Variants in GRIP1 observed in about 807,000 individuals in gnomAD.
GRIP1 encodes the protein glutamate receptor interacting protein 1.
Under a neutral mutation model 129.9 loss-of-function variants are expected in GRIP1, and 45 were observed. The ratio of observed to expected loss-of-function variants is 0.35; its 90% CI spans 0.27 to 0.44. The LOEUF (loss-of-function observed/expected upper bound fraction) is 0.44, where lower values mean the gene tolerates loss of function less well. GRIP1 is among the 20% of genes least tolerant of loss of function. The pLI is 1.00. For missense variants in GRIP1, 1,196 were observed against 1,396.8 expected, an observed-to-expected ratio of 0.86 and a Z score of 2.29; for synonymous variants, 530 against 520.8, an observed-to-expected ratio of 1.02 and a Z score of -0.24.
rs71436017 is a variant in GRIP1, at chr12:66,617,085, T to TTGTGTGTGTGTGTGTGTG, written c.56-20176_56-20159dup. On this transcript the variant is annotated intron_variant, in intron 1 of 24. Coordinates refer to ENST00000359742, the MANE Select transcript of GRIP1 (RefSeq NM_001366722.1). Reference sequence around the variant, plus strand: ...AGCAACTTGACAAGCAACAGACGTTTTGTGTGTGTGTGTGTGTGTGTGTGT... The same window carrying TTGTGTGTGTGTGTGTGTG: ...AGCAACTTGACAAGCAACAGACGTTTTGTGTGTGTGTGTGTGTGTGTGTGTGTGTGTGTGTGTGTGTGT... 4.9e-4 allele frequency among the ~76,000 whole-genome samples: 67 copies of TTGTGTGTGTGTGTGTGTG among 135,520 alleles called. 1 individual carries two copies. The highest frequency in any genetic ancestry group is 2.2e-3 in the East Asian group (10 of 4,528). 88.9% of individuals were successfully genotyped at this position (135,520 alleles called of 152,430 possible).
chr12:66,350,369 C>T (rs181078901), intron 24 of GRIP1, among the ~76,000 whole-genome samples: 4 of 151,942 alleles, frequency 2.6e-5, no homozygotes, highest in Non-Finnish European at 5.9e-5. Context: ...TGGTGGTGGG[C>T]GCCTGTAATC....
chr12:66,836,365 A>G (rs1440564457), intron 1 of GRIP1, among the ~76,000 whole-genome samples: 6 of 152,106 alleles, frequency 3.9e-5, no homozygotes, highest in African/African-American at 1.4e-4. Flanking sequence ...GCCTTTATCC[A>G]CAGCCCTTTT....
chr12:66,582,517 A>G (rs1780362105), intron 2 of GRIP1, among the ~76,000 whole-genome samples: 2 of 145,476 alleles, frequency 1.4e-5, no homozygotes, highest in African/African-American at 5.1e-5. Context: ...CCATTGTCTC[A>G]GCCCAAAATC....
chr12:66,848,168 A>G (rs2039851182), intron 1 of GRIP1, among the ~76,000 whole-genome samples: 2 of 151,892 alleles, frequency 1.3e-5, no homozygotes, highest in South Asian at 4.2e-4. Flanking sequence ...CAGTTCTTTC[A>G]TTTCTAAATC....
chr12:66,658,992 G>A (rs1022238457), intron 1 of GRIP1, among the ~76,000 whole-genome samples: 2 of 151,816 alleles, frequency 1.3e-5, no homozygotes, highest in Non-Finnish European at 2.9e-5. Context: ...AATAAAAAGC[G>A]GCTCCTGAAC....
intron 11 of GRIP1, among the ~76,000 whole-genome samples, chr12:66,453,088 C>T (rs1469142224): frequency 6.6e-6 from 1 of 152,096 alleles, no homozygotes; most frequent in Non-Finnish European, 1.5e-5. Context: ...GTATTTCTAC[C>T]ATGTTGAAGA....
rs184227852 is a variant in GRIP1 at position 66,964,558 on chromosome 12, C to A, written c.58+104492G>T. Among the ~76,000 whole-genome samples, 522 of 152,198 alleles carry A rather than the reference C, an allele frequency of 3.4e-3. 1 individual carries two copies. The highest frequency in any genetic ancestry group is 4.6e-3 in the Non-Finnish European group (310 of 67,992). On this transcript the variant is annotated intron_variant, in intron 1 of 1. Coordinates refer to the GRIP1 transcript ENST00000643019. ...CCTCCTTCTACTTAAAGTTCTCTTC[C>A]CACTGGCTTTTCACCAGGCTAACAC...
intron 1 of GRIP1, among the ~76,000 whole-genome samples, chr12:66,969,308 T>C (rs2042039617): frequency 6.6e-6 from 1 of 152,200 alleles, no homozygotes; most frequent in African/African-American, 2.4e-5. Context: ...ATTTCTCTTG[T>C]TCCATTCTTA....
intron 1 of GRIP1, among the ~76,000 whole-genome samples, chr12:66,701,215 T>C (rs1421152030): frequency 6.6e-6 from 1 of 152,200 alleles, no homozygotes; most frequent in Non-Finnish European, 1.5e-5. Context: ...AGTGTTCTTC[T>C]GGGACTCCTC....
At chr12:66,761,184 G>A (rs1216803130) in intron 1 of GRIP1, among the ~76,000 whole-genome samples, 1 of 151,754 alleles carries the variant, frequency 6.6e-6, no homozygotes, top group East Asian at 1.9e-4. Flanking sequence ...GCTAAATCTT[G>A]CCTTTCCTCT....
intron 1 of GRIP1, among the ~76,000 whole-genome samples, chr12:66,888,707 G>A (rs1029184167): frequency 2.6e-5 from 4 of 152,162 alleles, no homozygotes; most frequent in Non-Finnish European, 5.9e-5. Flanking sequence ...GGAATGTGTA[G>A]TCAGGGTTAG....
chr12:66,419,320 C>G (rs571222858), intron 15 of GRIP1, among the ~76,000 whole-genome samples: 3 of 151,422 alleles, frequency 2.0e-5, no homozygotes, highest in East Asian at 1.9e-4. Flanking sequence ...GGGGGGTCAG[C>G]GTGGGGAAAG....
intron 1 of GRIP1, among the ~76,000 whole-genome samples, chr12:67,029,204 C>T (rs2042984069): frequency 6.6e-6 from 1 of 152,270 alleles, no homozygotes; most frequent in East Asian, 1.9e-4. Context: ...CTCCGCCTCT[C>T]AAGCTCAAGA....
upstream of GRIP1, among the ~76,000 whole-genome samples, chr12:66,683,054 CT>C (rs2034645724): frequency 6.6e-6 from 1 of 152,028 alleles, no homozygotes; most frequent in African/African-American, 2.4e-5. Flanking sequence ...CCCACACCCC[CT>C]ACCCTGCAAC....
intron 1 of GRIP1, among the ~76,000 whole-genome samples, chr12:66,692,334 A>T (rs576504016): frequency 1.3e-5 from 2 of 152,338 alleles, no homozygotes; most frequent in East Asian, 3.9e-4. Context: ...CATATGAGGA[A>T]GTTCAAATGA....
chr12:66,518,391 G>T (rs1253126157), intron 5 of GRIP1, among the ~76,000 whole-genome samples: 1 of 149,000 alleles, frequency 6.7e-6, no homozygotes, highest in Non-Finnish European at 1.5e-5. Flanking sequence ...CAAAGTAAAA[G>T]AAAAATCCTA....
intron 14 of GRIP1, 100 bp downstream of exon 14, chr12:66,432,448 C>T (rs567274959): frequency 5.1e-4 from 367 of 718,100 alleles, no homozygotes; most frequent in Middle Eastern, 3.6e-3. Context: ...ATAAAAACTT[C>T]GCAAAGACAT....
At chr12:66,828,188 A>G (rs946753463) in intron 1 of GRIP1, among the ~76,000 whole-genome samples, 3 of 152,234 alleles carry the variant, frequency 2.0e-5, no homozygotes, top group African/African-American at 7.2e-5. Context: ...GCTTTAATAA[A>G]TTATAGAATT....
chr12:66,984,772 G>GC (rs970866380), intron 1 of GRIP1, among the ~76,000 whole-genome samples: 1 of 152,152 alleles, frequency 6.6e-6, no homozygotes, highest in African/African-American at 2.4e-5. Context: ...AAAGTAAACA[G>GC]CCCCTCTTAT....
Sources: allele counts gnomAD v4.1 joint callset (sites outside exome capture counted in the v4.1 genomes callset), GRCh38; gene constraint gnomAD v4.1.1; transcripts MANE v1.5; gene names NCBI Gene and HGNC (gene_info 2026-07-23, HGNC 2026-07-21).